TCERG1L: variants seen among roughly 807,000 people sequenced by gnomAD.
The protein encoded by TCERG1L is transcription elongation regulator 1-like protein.
TCERG1L carries 37 observed loss-of-function variants against 56.3 expected under a neutral mutation model. That is an observed-to-expected ratio of 0.66 (90% CI 0.51 to 0.87). The LOEUF is 0.87. TCERG1L is among the 40% of genes least tolerant of loss of function. The probability of loss-of-function intolerance (pLI) is 0.00; values close to 1 mark genes in which losing one functional copy is unlikely to be tolerated. For missense variants in TCERG1L, 799 were observed against 774.2 expected (o/e 1.03, Z -0.38); for synonymous variants, 324 against 326.3 (o/e 0.99, Z 0.08).
At position 131,164,403 on chromosome 10, in the gene TCERG1L, C is replaced by T. The variant is rs140189135; in HGVS notation, c.946-1193G>A. 2.3e-3 allele frequency among the ~76,000 whole-genome samples: 353 copies of T among 152,248 alleles called. 3 individuals are homozygous for T. The highest frequency in any genetic ancestry group is 8.0e-3 in the African/African-American group (334 of 41,530). ...GACAGACCGCAGGTCTTTGTTCAGT[C>T]AGTACTGAGCCGAAATAACCAAATT... On this transcript the variant is annotated intron_variant, in intron 5 of 11. Transcript: ENST00000368642.
At chr10:131,155,815 G>T (rs1173522857) in intron 6 of TCERG1L, among the ~76,000 whole-genome samples, 1 of 152,146 alleles carries the variant, frequency 6.6e-6, no homozygotes, top group Non-Finnish European at 1.5e-5. Flanking sequence ...TCCCTGGGCT[G>T]CTCCCACCAG....
intron 4 of TCERG1L, among the ~76,000 whole-genome samples, chr10:131,234,375 A>C (rs1410898056): frequency 6.6e-6 from 1 of 152,188 alleles, no homozygotes; most frequent in Non-Finnish European, 1.5e-5. Context: ...TATTTTTTTC[A>C]ATTTATCACT....
chr10:131,170,704 T>C (rs1265014608), intron 4 of TCERG1L, among the ~76,000 whole-genome samples: 1 of 152,054 alleles, frequency 6.6e-6, no homozygotes, highest in Non-Finnish European at 1.5e-5. Context: ...TCCTTGCTGG[T>C]GGGGAAGAAG....
intron 3 of TCERG1L, among the ~76,000 whole-genome samples, chr10:131,285,768 A>G (rs1279122994): frequency 6.6e-6 from 1 of 151,772 alleles, no homozygotes; most frequent in Non-Finnish European, 1.5e-5. Context: ...CCACAGTAAC[A>G]GATTAAAAAA....
At chr10:131,309,853 A>C (rs939963721) in intron 1 of TCERG1L, among the ~76,000 whole-genome samples, 12 of 149,810 alleles carry the variant, frequency 8.0e-5, no homozygotes, top group South Asian at 4.2e-4. Flanking sequence ...AAAAAAAAAA[A>C]AAAAAACTAA....
intron 4 of TCERG1L, among the ~76,000 whole-genome samples, chr10:131,225,105 C>T (rs1305626096): frequency 6.6e-6 from 1 of 152,186 alleles, no homozygotes; most frequent in Non-Finnish European, 1.5e-5. Flanking sequence ...CCAAGACCCA[C>T]AGAACCAGTA....
chr10:131,245,680 C>T (rs1365746212), intron 4 of TCERG1L, among the ~76,000 whole-genome samples: 2 of 152,224 alleles, frequency 1.3e-5, no homozygotes, highest in Non-Finnish European at 2.9e-5. Flanking sequence ...AGGCAGGGAC[C>T]TTCCCGAGGG....
At chr10:131,245,545 G>A (rs951336784) in intron 4 of TCERG1L, among the ~76,000 whole-genome samples, 5 of 152,124 alleles carry the variant, frequency 3.3e-5, no homozygotes, top group Non-Finnish European at 7.3e-5. Flanking sequence ...GGCTCTCCGG[G>A]GGCAGCGACA....
chr10:131,231,226 C>T (rs576273471), intron 4 of TCERG1L, among the ~76,000 whole-genome samples: 21 of 152,298 alleles, frequency 1.4e-4, no homozygotes, highest in African/African-American at 4.3e-4. Flanking sequence ...CTGAGGGTTG[C>T]GACAGTGATG....
At chr10:131,139,688 GTC>G (rs1333497390) in intron 7 of TCERG1L, among the ~76,000 whole-genome samples, 2 of 111,004 alleles carry the variant, frequency 1.8e-5, no homozygotes, top group Non-Finnish European at 4.1e-5. Context: ...GTGTGTGTGT[GTC>G]TGTGTGTGTG....
In TCERG1L at chr10:131,309,834, C is replaced by CAAAAAAA. The variant is rs58892586; in HGVS notation, c.343-542_343-536dup. Among the ~76,000 whole-genome samples, 349 of 49,856 alleles carry CAAAAAAA rather than the reference C, an allele frequency of 7.0e-3. 36 individuals are homozygous for CAAAAAAA. The highest frequency in any genetic ancestry group is 0.013 in the East Asian group (23 of 1,788). 32.7% of individuals were successfully genotyped at this position (49,856 alleles called of 152,430 possible). A position where few individuals can be genotyped will look rare whatever the true frequency, so the allele number is the denominator to read the frequency against. On this transcript the variant is annotated intron_variant, in intron 1 of 11. Coordinates refer to ENST00000368642, the MANE Select transcript of TCERG1L (RefSeq NM_174937.4). ...TCACCAATACAAATAGATTCTATGG[C>CAAAAAAA]AAAAAAAAAAAAAAAAAAAAAAAAA...
At position 131,106,554 on chromosome 10, in the gene TCERG1L, T is replaced by C. The variant is rs116140940; in HGVS notation, c.1396-2200A>G. ...CTGGGGGTGCAAGAGCCAATGAAGG[T>C]GCAGGGAAGTGGCAGCAGAGACAGA... On this transcript the variant is annotated intron_variant, in intron 9 of 11. Coordinates refer to ENST00000368642, the MANE Select transcript of TCERG1L (RefSeq NM_174937.4). Among the ~76,000 whole-genome samples, 916 of 152,188 alleles carry C rather than the reference T, an allele frequency of 6.0e-3. 9 individuals carry two copies. Among genetic ancestry groups the C allele is most frequent in the African/African-American group, 0.021 (876 of 41,516 alleles).
At chr10:131,167,336 G>T (rs1846041668) in intron 4 of TCERG1L, among the ~76,000 whole-genome samples, 1 of 152,214 alleles carries the variant, frequency 6.6e-6, no homozygotes, top group Admixed American at 6.5e-5. Flanking sequence ...GTGGGCCCAG[G>T]GTGGGAGTGC....
intron 4 of TCERG1L, among the ~76,000 whole-genome samples, chr10:131,194,016 G>A (rs997257699): frequency 3.3e-5 from 5 of 152,194 alleles, no homozygotes; most frequent in Admixed American, 1.3e-4. Context: ...TAATGTTGCC[G>A]CATTGGCCAT....
intron 3 of TCERG1L, among the ~76,000 whole-genome samples, chr10:131,292,195 G>GT (rs1564835504): frequency 6.6e-6 from 1 of 152,132 alleles, no homozygotes; most frequent in East Asian, 1.9e-4. Flanking sequence ...ACAGTGTGGC[G>GT]TTTTTTAGCT....
rs747650685 is a variant in TCERG1L, at chr10:131,146,537, C to T, written c.1158G>A (p.Pro386=). The part of the protein sequence containing the change: ...RGDLNRIIED[P]PHKRKLEAPA... ...GTGCCTCCAGCTTGCGTTTGTGGGG[C>T]GGGTCCTCAATGATCCTGTTGAGGT... The change falls in exon 7 of 12, where the codon CCG becomes CCA. Residue 386 remains proline (P), a synonymous_variant. Coordinates refer to ENST00000368642, the MANE Select transcript of TCERG1L (RefSeq NM_174937.4). 9.9e-6 allele frequency: 16 copies of T among 1,612,116 alleles called. 1 individual carries two copies. Among genetic ancestry groups the T allele is most frequent in the East Asian group, 6.7e-5 (3 of 44,834 alleles).
At chr10:131,257,021 G>T (rs1420100575) in intron 4 of TCERG1L, among the ~76,000 whole-genome samples, 5 of 141,696 alleles carry the variant, frequency 3.5e-5, no homozygotes, top group African/African-American at 1.3e-4. Flanking sequence ...AAGAAAGAAA[G>T]AAAGAAAGAA....
intron 11 of TCERG1L, 136 bp from the exon 12 acceptor site, chr10:131,093,454 G>T: frequency 9.6e-7 from 1 of 1,038,640 alleles, no homozygotes; most frequent in Non-Finnish European, 1.4e-6. Flanking sequence ...GCACCCGGTG[G>T]GTGAGCGGCT....
At chr10:131,270,788 T>C (rs757769978) in intron 3 of TCERG1L, among the ~76,000 whole-genome samples, 45 of 152,218 alleles carry the variant, frequency 3.0e-4, no homozygotes, top group Non-Finnish European at 1.5e-4. Flanking sequence ...GTGGGAGATA[T>C]CAGGCTTGGC....
Sources: gnomAD v4.1 joint callset for allele counts (sites outside exome capture counted in the v4.1 genomes callset) on GRCh38, gnomAD v4.1.1 for gene constraint, MANE v1.5 for transcripts, NCBI Gene and HGNC (gene_info 2026-07-23, HGNC 2026-07-21) for gene names.